The following TMC1 variants were observed in gnomAD, a reference collection of about 807,000 sequenced individuals.
TMC1 encodes the protein transmembrane channel-like protein 1.
In TMC1, 84 loss-of-function variants were observed where a neutral mutation model predicts 105.8. The ratio of observed to expected loss-of-function variants is 0.79; its 90% CI spans 0.67 to 0.95. The LOEUF is 0.95. Ranked by LOEUF, TMC1 falls within the 40% of genes least tolerant of loss-of-function variation. TMC1 has a pLI of 0.00. For missense variants in TMC1, 817 were observed against 914.1 expected (o/e 0.89, Z 1.37); for synonymous variants, 315 against 311.5 (o/e 1.01, Z -0.12).
At position 72,816,126 on chromosome 9, in the gene TMC1, C is replaced by T. The variant is rs184810305; in HGVS notation, c.1696-17C>T. On this transcript the variant is annotated splice_polypyrimidine_tract_variant and intron_variant, in intron 18 of 23. Coordinates refer to ENST00000297784, the MANE Select transcript of TMC1 (RefSeq NM_138691.3). ...CCATGTGAGACGCTAATCCAATGAA[C>T]ATTGTGTCTCCTCTAGCCTTCATAC... The T allele has an allele frequency of 1.4e-5, 22 of 1,612,036 alleles. 1 individual carries two copies. In the Admixed American group the frequency reaches 2.0e-4, roughly 15 times the overall value.
chr9:72,704,056 G>A (rs1477782935), intron 8 of TMC1, among the ~76,000 whole-genome samples: 3 of 152,158 alleles, frequency 2.0e-5, no homozygotes, highest in Admixed American at 6.5e-5. Context: ...GAACGTGCAG[G>A]TAAATGTTTC....
At chr9:72,524,960 C>T (rs1823381078) in intron 1 of TMC1, among the ~76,000 whole-genome samples, 1 of 152,166 alleles carries the variant, frequency 6.6e-6, no homozygotes, top group South Asian at 2.1e-4. Context: ...GAGCAGATCA[C>T]CACACACCTG....
intron 12 of TMC1, among the ~76,000 whole-genome samples, chr9:72,760,354 C>T (rs1405284052): frequency 6.6e-6 from 1 of 152,070 alleles, no homozygotes; most frequent in Non-Finnish European, 1.5e-5. Flanking sequence ...TCTATCATGG[C>T]ACCATGGAGG....
At chr9:72,686,600 CT>C (rs1442558142) in intron 5 of TMC1, among the ~76,000 whole-genome samples, 1 of 152,148 alleles carries the variant, frequency 6.6e-6, no homozygotes, top group Non-Finnish European at 1.5e-5. Context: ...CTATTTGGTT[CT>C]TGATGCTTAT....
At chr9:72,540,243 G>A (rs1823653083) in intron 1 of TMC1, among the ~76,000 whole-genome samples, 1 of 152,146 alleles carries the variant, frequency 6.6e-6, no homozygotes, top group South Asian at 2.1e-4. Context: ...CTTGTTTCTT[G>A]TTGTTTTCTA....
At chr9:72,796,671 A>T (rs1214024176) in intron 17 of TMC1, among the ~76,000 whole-genome samples, 1 of 152,124 alleles carries the variant, frequency 6.6e-6, no homozygotes, top group Non-Finnish European at 1.5e-5. Flanking sequence ...AAAATTCAAC[A>T]CCCGTTCATG....
intron 11 of TMC1, among the ~76,000 whole-genome samples, chr9:72,752,874 A>G (rs1376084825): frequency 6.6e-6 from 1 of 152,142 alleles, no homozygotes; most frequent in Admixed American, 6.5e-5. Context: ...AATGCTTTAC[A>G]TTCATAAAGA....
intron 10 of TMC1, among the ~76,000 whole-genome samples, chr9:72,747,673 C>A (rs1185565980): frequency 2.0e-5 from 3 of 152,096 alleles, no homozygotes; most frequent in African/African-American, 7.2e-5. Flanking sequence ...CGGCTCACTG[C>A]AAACCTCTGC....
At chr9:72,615,896 G>A (rs1417475457) in intron 2 of TMC1, among the ~76,000 whole-genome samples, 1 of 151,982 alleles carries the variant, frequency 6.6e-6, no homozygotes, top group African/African-American at 2.4e-5. Context: ...TGGGCTACAG[G>A]CGTCCGTCAC....
At chr9:72,633,686 GA>G (rs976639786) in intron 4 of TMC1, among the ~76,000 whole-genome samples, 54 of 151,938 alleles carry the variant, frequency 3.6e-4, no homozygotes, top group Non-Finnish European at 5.0e-4. Context: ...TACATGTTCT[GA>G]AAAAAAATTC....
At chr9:72,697,344 A>G (rs1360521941) in intron 7 of TMC1, among the ~76,000 whole-genome samples, 4 of 152,122 alleles carry the variant, frequency 2.6e-5, no homozygotes, top group South Asian at 4.1e-4. Flanking sequence ...CAATCTTGCA[A>G]TCTTCAAAAG....
rs992498362 is a variant in TMC1, at chr9:72,616,450, A to G, written c.-223A>G. The G allele has an allele frequency of 2.6e-5, 4 of 152,070 alleles. No homozygotes were observed. The highest frequency in any genetic ancestry group is 9.7e-5 in the African/African-American group (4 of 41,388). 9.4% of individuals were successfully genotyped at this position (152,070 alleles called of 1,614,324 possible). A position where few individuals can be genotyped will look rare whatever the true frequency, so the allele number is the denominator to read the frequency against. Reference sequence around the variant, plus strand: ...TTGAATCTCAGCTCTACTGTTTACTAGACATGAAATGGGGAAATCTAAAAT... The same window carrying G: ...TTGAATCTCAGCTCTACTGTTTACTGGACATGAAATGGGGAAATCTAAAAT... On this transcript the variant is annotated 5_prime_UTR_variant, in exon 3 of 24. An upstream open reading frame in the 5' UTR loses its in-frame stop. Coordinates refer to ENST00000297784, the MANE Select transcript of TMC1 (RefSeq NM_138691.3).
chr9:72,695,432 G>T (rs1008562018), intron 7 of TMC1, among the ~76,000 whole-genome samples: 2 of 152,150 alleles, frequency 1.3e-5, no homozygotes, highest in Non-Finnish European at 2.9e-5. Context: ...TAGCAGGCAG[G>T]TAGGAAAAAT....
At chr9:72,768,592 C>A (rs1827875199) in intron 12 of TMC1, among the ~76,000 whole-genome samples, 1 of 152,038 alleles carries the variant, frequency 6.6e-6, no homozygotes, top group African/African-American at 2.4e-5. Context: ...CTAATCATGA[C>A]TCTGCCTGCC....
intron 1 of TMC1, among the ~76,000 whole-genome samples, chr9:72,532,577 A>C (rs1369781738): frequency 3.4e-5 from 5 of 147,420 alleles, no homozygotes; most frequent in East Asian, 4.1e-4. Context: ...AAAAAAAAAA[A>C]AAAAAAAAAA....
chr9:72,558,873 A>T (rs1823992609), intron 1 of TMC1, among the ~76,000 whole-genome samples: 1 of 151,910 alleles, frequency 6.6e-6, no homozygotes, highest in Non-Finnish European at 1.5e-5. Flanking sequence ...TACAGTTAAA[A>T]TTTTTATTTT....
chr9:72,755,881 C>G (rs1346021994), intron 12 of TMC1, among the ~76,000 whole-genome samples: 2 of 152,300 alleles, frequency 1.3e-5, no homozygotes, highest in South Asian at 2.1e-4. Context: ...AAGAAGAGAT[C>G]AGGTCTGCTA....
chr9:72,561,317 CAAAA>C (rs375862130), intron 1 of TMC1, among the ~76,000 whole-genome samples: 4 of 76,410 alleles, frequency 5.2e-5, no homozygotes, highest in South Asian at 5.0e-4. Context: ...GACTCCGTCT[CAAAA>C]AAAAAAAAAA....
rs537024820 is a variant in TMC1 at position 72,784,616 on chromosome 9, T to C, written c.885-3723T>C. On this transcript the variant is annotated intron_variant, in intron 13 of 23. Coordinates refer to ENST00000297784, the MANE Select transcript of TMC1 (RefSeq NM_138691.3). ...TAAATATCAAAGGAGTAGAAATCATTGTACTATAAAGACACATGTACTCAT... is the reference window on the plus strand; with the variant it reads ...TAAATATCAAAGGAGTAGAAATCATCGTACTATAAAGACACATGTACTCAT... 1.9e-4 allele frequency among the ~76,000 whole-genome samples: 29 copies of C among 152,284 alleles called. 1 individual carries two copies. The highest frequency in any genetic ancestry group is 7.0e-4 in the African/African-American group (29 of 41,558).
Sources: gnomAD v4.1 joint callset for allele counts (sites outside exome capture counted in the v4.1 genomes callset) on GRCh38, gnomAD v4.1.1 for gene constraint, MANE v1.5 for transcripts, NCBI Gene and HGNC (gene_info 2026-07-23, HGNC 2026-07-21) for gene names.